Variants in NXPE2 observed in about 807,000 individuals in gnomAD.
NXPE2 encodes the protein neurexophilin and PC-esterase domain family member 2.
In NXPE2, 34 loss-of-function variants were observed where a neutral mutation model predicts 34.4. The ratio of observed to expected loss-of-function variants is 0.99; its 90% confidence interval spans 0.75 to 1.31. NXPE2 has a LOEUF of 1.31. Ranked by LOEUF, NXPE2 falls within the 40% of genes most tolerant of loss-of-function variation. The probability of loss-of-function intolerance (pLI) is 0.00; values close to 1 mark genes in which losing one functional copy is unlikely to be tolerated. For missense variants in NXPE2, 649 were observed against 672.5 expected (o/e 0.97, Z 0.39); for synonymous variants, 235 against 231.3 (o/e 1.02, Z -0.15).
At chr11:114,705,643 G>T (rs1951456860) in intron 4 of NXPE2, 138 bp from the exon 5 acceptor site, 1 of 526,674 alleles carries the variant, frequency 1.9e-6, no homozygotes, top group East Asian at 3.3e-5. Flanking sequence ...ATAAATATTT[G>T]TGGAAGAGAG....
chr11:114,790,738 C>A, the NXPE2 span, among the ~76,000 whole-genome samples: 1 of 152,096 alleles, frequency 6.6e-6, no homozygotes, highest in South Asian at 2.1e-4. Context: ...GGTCTCGAAG[C>A]TTTTCATTCA....
the NXPE2 span, among the ~76,000 whole-genome samples, chr11:114,648,114 G>C: frequency 1.3e-5 from 2 of 152,040 alleles, no homozygotes; most frequent in Non-Finnish European, 2.9e-5. Flanking sequence ...AAAACCCTTA[G>C]AATCTCCTAA....
the NXPE2 span, among the ~76,000 whole-genome samples, chr11:114,736,771 G>T: frequency 6.6e-6 from 1 of 152,180 alleles, no homozygotes; most frequent in Admixed American, 6.5e-5. Flanking sequence ...TTTAGAGATT[G>T]CAGTAAAGAC....
the NXPE2 span, among the ~76,000 whole-genome samples, chr11:114,475,282 C>T: frequency 3.4e-5 from 4 of 118,192 alleles, no homozygotes; most frequent in Non-Finnish European, 3.3e-5. Flanking sequence ...CTCGCTCTGT[C>T]GCCCAGGCTA....
At chr11:114,479,653 G>T in the NXPE2 span, among the ~76,000 whole-genome samples, 6 of 152,062 alleles carry the variant, frequency 3.9e-5, no homozygotes, top group Non-Finnish European at 8.8e-5. Context: ...TGTTTAGTAG[G>T]CAGTTAGATC....
chr11:114,671,139 A>G, the NXPE2 span, among the ~76,000 whole-genome samples: 3 of 150,014 alleles, frequency 2.0e-5, no homozygotes, highest in Admixed American at 6.7e-5. Context: ...GAAAAGTACA[A>G]TAACTGATAT....
At chr11:114,647,994 C>A in the NXPE2 span, among the ~76,000 whole-genome samples, 1 of 152,166 alleles carries the variant, frequency 6.6e-6, no homozygotes. Context: ...GCCACTGTTG[C>A]CGGCCGACTT....
At chr11:114,786,270 T>G in the NXPE2 span, among the ~76,000 whole-genome samples, 1 of 152,122 alleles carries the variant, frequency 6.6e-6, no homozygotes, top group African/African-American at 2.4e-5. Flanking sequence ...TTCAAATCTC[T>G]CATTGTACAG....
At chr11:114,499,105 A>G in the NXPE2 span, among the ~76,000 whole-genome samples, 1 of 152,090 alleles carries the variant, frequency 6.6e-6, no homozygotes, top group Admixed American at 6.5e-5. Flanking sequence ...CAAGTCATTT[A>G]AGTTTATGTG....
chr11:114,796,519 C>CAA, the NXPE2 span, among the ~76,000 whole-genome samples: 1 of 150,866 alleles, frequency 6.6e-6, no homozygotes, highest in African/African-American at 2.4e-5. Context: ...CTCTGAAATT[C>CAA]AAAAAAAAAT....
chr11:114,703,621 G>A (rs1951408157), intron 3 of NXPE2, among the ~76,000 whole-genome samples: 1 of 152,122 alleles, frequency 6.6e-6, no homozygotes, highest in South Asian at 2.1e-4. Flanking sequence ...GTTTGTGGTA[G>A]AGAGCCATTT....
At chr11:114,807,322 A>T in the NXPE2 span, among the ~76,000 whole-genome samples, 1 of 152,220 alleles carries the variant, frequency 6.6e-6, no homozygotes, top group African/African-American at 2.4e-5. Context: ...TAATGACAGG[A>T]TCAAATTCAC....
At chr11:114,719,929 C>A in the NXPE2 span, among the ~76,000 whole-genome samples, 3,018 of 152,312 alleles carry the variant, frequency 0.02, 101 homozygotes, top group African/African-American at 0.066. Context: ...GTGCTTCTTT[C>A]AAACCCAGCT....
chr11:114,741,729 G>C, the NXPE2 span, among the ~76,000 whole-genome samples: 2 of 152,006 alleles, frequency 1.3e-5, no homozygotes, highest in Non-Finnish European at 2.9e-5. Context: ...TAAATTTGTT[G>C]AGTTGTCTGT....
At position 114,678,593 on chromosome 11, in the gene NXPE2, C is replaced by T; in HGVS notation, c.18C>T (p.Leu6=). The part of the protein sequence containing the change: MVEKI[L]IHRILTLFPN... ...ACGAGAAGATGGTGGAGAAAATACT[C>T]ATCCATAGGTGTGGTACTTTCCAAC... The change falls in exon 1 of 6, where the codon CTC becomes CTT. Residue 6 remains leucine (L), a synonymous_variant. Transcript: ENST00000389586. 2 of 1,548,900 alleles carry T rather than the reference C, an allele frequency of 1.3e-6. No homozygotes were observed. The highest frequency in any genetic ancestry group is 1.7e-4 in the Middle Eastern group (1 of 5,982).
chr11:114,670,147 G>T, the NXPE2 span, among the ~76,000 whole-genome samples: 12 of 152,138 alleles, frequency 7.9e-5, no homozygotes, highest in East Asian at 2.3e-3. Flanking sequence ...AGCAGTTTAT[G>T]CCCCAGGACC....
At chr11:114,719,637 C>G in the NXPE2 span, among the ~76,000 whole-genome samples, 1 of 152,252 alleles carries the variant, frequency 6.6e-6, no homozygotes, top group Non-Finnish European at 1.5e-5. Context: ...GCCTAATGGA[C>G]AATCTGCAGA....
At chr11:114,799,501 T>C in the NXPE2 span, among the ~76,000 whole-genome samples, 1 of 152,124 alleles carries the variant, frequency 6.6e-6, no homozygotes, top group Non-Finnish European at 1.5e-5. Flanking sequence ...TATAAGCCAG[T>C]GGGCACTTTG....
the NXPE2 span, among the ~76,000 whole-genome samples, chr11:114,550,641 A>G: frequency 3.4e-4 from 52 of 152,326 alleles, 1 homozygote; most frequent in Non-Finnish European, 5.6e-4. Context: ...ATGGATGAAT[A>G]CCTGTATAAT....
Sources: allele counts gnomAD v4.1 joint callset (sites outside exome capture counted in the v4.1 genomes callset), GRCh38; gene constraint gnomAD v4.1.1; transcripts MANE v1.5; gene names NCBI Gene and HGNC (gene_info 2026-07-23, HGNC 2026-07-21).